BCL2L1: variants seen among roughly 807,000 people sequenced by gnomAD.
The protein encoded by BCL2L1 is BCL2 like 1.
Under a neutral mutation model 18.7 loss-of-function variants are expected in BCL2L1, and 1 was observed. The observed-to-expected ratio is 0.05, with a 90% confidence interval of 0.02 to 0.25. BCL2L1 has a LOEUF of 0.25. BCL2L1 is among the 10% of genes least tolerant of loss of function. BCL2L1 has a pLI of 1.00. For missense variants in BCL2L1, 207 were observed against 304.9 expected, an observed-to-expected ratio of 0.68 and a Z score of 2.39; for synonymous variants, 103 against 122.7, an observed-to-expected ratio of 0.84 and a Z score of 1.06.
chr20:31,718,236 T>C (rs568420260), intron 2 of BCL2L1, among the ~76,000 whole-genome samples: 3 of 152,148 alleles, frequency 2.0e-5, no homozygotes, highest in African/African-American at 7.2e-5. Context: ...TGGCTAAGGG[T>C]CTACACTTTC....
chr20:31,712,955 A>C (rs1384252617), intron 2 of BCL2L1, among the ~76,000 whole-genome samples: 1 of 152,126 alleles, frequency 6.6e-6, no homozygotes, highest in Non-Finnish European at 1.5e-5. Context: ...GGGGAGGGGA[A>C]GGCAGGCTCT....
chr20:31,685,127 G>A (rs2060932442), intron 2 of BCL2L1, among the ~76,000 whole-genome samples: 3 of 152,178 alleles, frequency 2.0e-5, no homozygotes, highest in Non-Finnish European at 4.4e-5. Context: ...AGACAGCCAG[G>A]CGTGGTGGCT....
intron 2 of BCL2L1, among the ~76,000 whole-genome samples, chr20:31,712,682 G>C (rs1358977865): frequency 6.6e-6 from 1 of 152,152 alleles, no homozygotes; most frequent in African/African-American, 2.4e-5. Flanking sequence ...CACTGACCAG[G>C]AGGCCAGTCT....
Position 31,690,876 on chromosome 20 carries a change from C to T in BCL2L1, c.565-24790G>A, listed in dbSNP as rs143490712. Among the ~76,000 whole-genome samples the T allele has an allele frequency of 6.3e-4, 96 of 152,026 alleles. 3 individuals carry two copies. In the East Asian group the frequency reaches 0.017, roughly 27 times the overall value. On this transcript the variant is annotated intron_variant, in intron 2 of 2. Coordinates refer to ENST00000307677, the MANE Select transcript of BCL2L1 (RefSeq NM_138578.3). ...AGATATTAATACAGTAGGCCAGGCA[C>T]GGTGGCTCAGGCCTGTAATCCCAGC...
In BCL2L1 at chr20:31,687,061, T is replaced by TA. The variant is rs1214408476; in HGVS notation, c.565-20976dup. ...GGCCGAGTCTGGTGGCTCACACCTG[T>TA]AATCCCAGAACTTTGGGAGGTCCAG... On this transcript the variant is annotated intron_variant, in intron 2 of 2. Transcript: ENST00000307677. 3.3e-5 allele frequency among the ~76,000 whole-genome samples: 5 copies of TA among 152,304 alleles called. No homozygotes were observed. The East Asian group carries it at 9.6e-4, about 29-fold the overall frequency.
intron 2 of BCL2L1, among the ~76,000 whole-genome samples, chr20:31,705,133 T>C (rs1467597892): frequency 6.6e-6 from 1 of 152,224 alleles, no homozygotes; most frequent in African/African-American, 2.4e-5. Flanking sequence ...TTTTACCACT[T>C]ACTCGCTGTG....
chr20:31,696,113 A>G (rs2122660852), intron 2 of BCL2L1, among the ~76,000 whole-genome samples: 1 of 152,164 alleles, frequency 6.6e-6, no homozygotes, highest in East Asian at 1.9e-4. Context: ...TCTGTCACCC[A>G]CCTTGGAATG....
At chr20:31,701,900 T>C (rs773926540) in intron 2 of BCL2L1, among the ~76,000 whole-genome samples, 5 of 152,226 alleles carry the variant, frequency 3.3e-5, no homozygotes, top group Admixed American at 6.5e-5. Context: ...AAAGAACAGC[T>C]GCAGACACTG....
chr20:31,692,028 A>T (rs2061083768), intron 2 of BCL2L1, among the ~76,000 whole-genome samples: 1 of 152,254 alleles, frequency 6.6e-6, no homozygotes, highest in South Asian at 2.1e-4. Flanking sequence ...TGTAAACCCT[A>T]CAACAATGAT....
At chr20:31,689,278 C>G (rs55693547) in intron 2 of BCL2L1, among the ~76,000 whole-genome samples, 180 of 2,338 alleles carry the variant, frequency 0.077, 13 homozygotes, top group East Asian at 0.1. Context: ...AGGGGGAGGG[C>G]AGGGGAGGGG....
chr20:31,685,261 G>A lies in BCL2L1; in HGVS notation c.565-19175C>T, dbSNP rs1825491. 5.8e-3 allele frequency among the ~76,000 whole-genome samples: 884 copies of A among 152,178 alleles called. 9 individuals carry two copies. Among genetic ancestry groups the A allele is most frequent in the African/African-American group, 0.019 (800 of 41,512 alleles). On this transcript the variant is annotated intron_variant, in intron 2 of 2. Transcript: ENST00000307677. ...TAAAAATACAAAAAATTAGCCAGGC[G>A]TGGTGGCGGGTGTCTGTAGTCCCAC...
chr20:31,710,097 G>C (rs903532600), intron 2 of BCL2L1, among the ~76,000 whole-genome samples: 1 of 152,140 alleles, frequency 6.6e-6, no homozygotes, highest in Non-Finnish European at 1.5e-5. Context: ...ACCGTGTGAG[G>C]TGGTCTACAC....
At position 31,665,931 on chromosome 20, in the gene BCL2L1, T is replaced by C. The variant is rs1244379117; in HGVS notation, c.*18A>G. 2 of 1,610,730 alleles carry C rather than the reference T, an allele frequency of 1.2e-6. No individual in the cohort carries two copies. Among genetic ancestry groups the C allele is most frequent in the East Asian group, 2.2e-5 (1 of 44,770 alleles). On this transcript the variant is annotated 3_prime_UTR_variant, in exon 3 of 3. Coordinates refer to ENST00000307677, the MANE Select transcript of BCL2L1 (RefSeq NM_138578.3). ...CAGAGAAGGGGGTGGGAGGGTAGAG[T>C]GGATGGTCAGTGTCTGGTCATTTCC... is the stretch of plus-strand genomic sequence containing the variant.
Position 31,704,114 on chromosome 20 carries a change from T to G in BCL2L1, c.564+17541A>C, listed in dbSNP as rs1275532361. On this transcript the variant is annotated intron_variant, in intron 2 of 2. Coordinates refer to ENST00000307677, the MANE Select transcript of BCL2L1 (RefSeq NM_138578.3). ...CACCCGGCCCTAAACCTTTTTTTTT[T>G]TTTTTTTGAGACGGAGTCTCTCCCT... 2.1e-5 allele frequency among the ~76,000 whole-genome samples: 3 copies of G among 143,540 alleles called. 1 individual carries two copies. The East Asian group carries it at 6.3e-4, about 30-fold the overall frequency. 94.2% of individuals were successfully genotyped at this position (143,540 alleles called of 152,430 possible).
At chr20:31,669,846 A>C (rs1031643048) in intron 2 of BCL2L1, among the ~76,000 whole-genome samples, 1 of 152,160 alleles carries the variant, frequency 6.6e-6, no homozygotes, top group African/African-American at 2.4e-5. Context: ...TGAGTTAACA[A>C]ATGTATTGCA....
intron 2 of BCL2L1, among the ~76,000 whole-genome samples, chr20:31,705,518 T>G (rs1213761323): frequency 6.6e-6 from 1 of 152,150 alleles, no homozygotes; most frequent in Non-Finnish European, 1.5e-5. Flanking sequence ...AATGATCCCC[T>G]TTTCATAAAG....
At chr20:31,670,170 G>A (rs1482320139) in intron 2 of BCL2L1, among the ~76,000 whole-genome samples, 1 of 152,182 alleles carries the variant, frequency 6.6e-6, no homozygotes, top group Non-Finnish European at 1.5e-5. Flanking sequence ...GGGCACTAGG[G>A]CCGTGGCTAT....
chr20:31,667,033 C>T (rs1048044263), intron 2 of BCL2L1, among the ~76,000 whole-genome samples: 3 of 152,186 alleles, frequency 2.0e-5, no homozygotes, highest in Admixed American at 1.3e-4. Context: ...GCAATGCAGG[C>T]TGTCTCTCCC....
intron 2 of BCL2L1, among the ~76,000 whole-genome samples, chr20:31,676,198 T>C (rs945418830): frequency 4.6e-5 from 7 of 152,162 alleles, no homozygotes; most frequent in Non-Finnish European, 1.0e-4. Flanking sequence ...CCTCCTTCCC[T>C]GGAACCGATG....
Sources: gnomAD v4.1 joint callset for allele counts (sites outside exome capture counted in the v4.1 genomes callset) on GRCh38, gnomAD v4.1.1 for gene constraint, MANE v1.5 for transcripts, NCBI Gene and HGNC (gene_info 2026-07-23, HGNC 2026-07-21) for gene names.